Variants in SPATA17 observed in about 807,000 individuals in gnomAD.
The protein encoded by SPATA17 is spermatogenesis-associated protein 17.
A neutral mutation model predicts 62.2 loss-of-function variants in SPATA17; 53 were observed. The observed-to-expected ratio is 0.85, with a 90% CI of 0.68 to 1.07. The LOEUF is 1.07. Ranked by LOEUF, SPATA17 falls within the 50% of genes least tolerant of loss-of-function variation. The probability of loss-of-function intolerance (pLI) is 0.00; values close to 1 mark genes in which losing one functional copy is unlikely to be tolerated. For missense variants in SPATA17, 466 were observed against 425.5 expected (o/e 1.10, Z -0.84); for synonymous variants, 146 against 146.8 (o/e 0.99, Z 0.04).
chr1:217,755,251 T>G (rs1321754178), intron 6 of SPATA17, among the ~76,000 whole-genome samples: 1 of 152,100 alleles, frequency 6.6e-6, no homozygotes, highest in African/African-American at 2.4e-5. Flanking sequence ...ACGAATAATC[T>G]TGTCAATTGC....
chr1:217,767,972 C>T (rs765404931), intron 6 of SPATA17, among the ~76,000 whole-genome samples: 21 of 152,112 alleles, frequency 1.4e-4, no homozygotes, highest in Non-Finnish European at 2.5e-4. Flanking sequence ...GTGGGCCCGG[C>T]GCAGTGGCTC....
chr1:217,851,873 G>A (rs72730525), intron 9 of SPATA17, among the ~76,000 whole-genome samples: 9,266 of 152,262 alleles, frequency 0.061, 375 homozygotes, highest in Non-Finnish European at 0.084. Context: ...AAGACTTTAA[G>A]ATAAGTCTAA....
intron 6 of SPATA17, among the ~76,000 whole-genome samples, chr1:217,746,941 A>G (rs1051657197): frequency 1.3e-5 from 2 of 152,042 alleles, no homozygotes; most frequent in African/African-American, 4.8e-5. Context: ...ACTAGTAGTA[A>G]TAAGGTTAAT....
At chr1:217,671,649 C>T (rs1331128781) in intron 4 of SPATA17, among the ~76,000 whole-genome samples, 2 of 152,084 alleles carry the variant, frequency 1.3e-5, no homozygotes, top group Non-Finnish European at 2.9e-5. Flanking sequence ...TCCTATCCTC[C>T]TCCTTATTGC....
intron 9 of SPATA17, among the ~76,000 whole-genome samples, chr1:217,837,416 T>C (rs1396280597): frequency 6.6e-6 from 1 of 152,086 alleles, no homozygotes; most frequent in African/African-American, 2.4e-5. Context: ...AACTCTTTAA[T>C]TGCTGCACTG....
At chr1:217,793,221 G>GTTT (rs1161172000) in intron 8 of SPATA17, among the ~76,000 whole-genome samples, 1 of 127,160 alleles carries the variant, frequency 7.9e-6, no homozygotes. Context: ...AGTGGTTTTT[G>GTTT]TTTTTTTTTT....
At chr1:217,654,717 CTTT>C (rs199930213) in intron 3 of SPATA17, among the ~76,000 whole-genome samples, 6 of 134,594 alleles carry the variant, frequency 4.5e-5, no homozygotes, top group East Asian at 2.1e-4. Context: ...TTTACATAAT[CTTT>C]TTTTTTTTTT....
At chr1:217,649,045 G>T (rs1670250825) in intron 2 of SPATA17, 74 bp downstream of exon 2, 10 of 1,000,994 alleles carry the variant, frequency 1.0e-5, no homozygotes, top group Admixed American at 2.5e-5. Flanking sequence ...ATTTATTCAT[G>T]AAGTACTCAT....
intron 5 of SPATA17, among the ~76,000 whole-genome samples, chr1:217,705,718 C>T (rs567359192): frequency 1.9e-3 from 296 of 152,174 alleles, no homozygotes; most frequent in African/African-American, 6.8e-3. Context: ...GGATTATAGG[C>T]GTGAGCCACC....
intron 1 of SPATA17, among the ~76,000 whole-genome samples, chr1:217,644,806 T>C (rs906630227): frequency 6.6e-6 from 1 of 152,104 alleles, no homozygotes; most frequent in Non-Finnish European, 1.5e-5. Context: ...TTTTGGTCTT[T>C]CATCATTATT....
chr1:217,727,840 C>T lies in SPATA17; in HGVS notation c.396-14135C>T, dbSNP rs559684963. Among the ~76,000 whole-genome samples the T allele has an allele frequency of 4.6e-5, 7 of 152,252 alleles. No homozygotes were observed. The South Asian group carries it at 1.4e-3, about 32-fold the overall frequency. On this transcript the variant is annotated intron_variant, in intron 5 of 10. Coordinates refer to ENST00000366933, the MANE Select transcript of SPATA17 (RefSeq NM_138796.4). Reference sequence around the variant, plus strand: ...CCTACACCAATGAATAGTTTCGTATCCTTAGTCAAGTTACTTACTATCTCT... The same window carrying T: ...CCTACACCAATGAATAGTTTCGTATTCTTAGTCAAGTTACTTACTATCTCT...
intron 5 of SPATA17, 106 bp downstream of exon 5, chr1:217,683,467 C>A: frequency 1.3e-6 from 1 of 753,396 alleles, no homozygotes; most frequent in Non-Finnish European, 2.3e-6. Flanking sequence ...TAGATGGAGT[C>A]TTGCTCTGTT....
chr1:217,733,002 A>G (rs1672433005), intron 5 of SPATA17, among the ~76,000 whole-genome samples: 1 of 152,168 alleles, frequency 6.6e-6, no homozygotes, highest in Non-Finnish European at 1.5e-5. Flanking sequence ...TTGATTCAAA[A>G]ATGCCAGAAG....
rs1676079359 is a variant in SPATA17 at position 217,869,127 on chromosome 1, CAT to C, written c.*2110_*2111del. 1 of 152,168 alleles carries C rather than the reference CAT, an allele frequency of 6.6e-6. No homozygotes were observed. The highest frequency in any genetic ancestry group is 1.5e-5 in the Non-Finnish European group (1 of 68,088). 9.4% of individuals were successfully genotyped at this position (152,168 alleles called of 1,614,324 possible). A position where few individuals can be genotyped will look rare whatever the true frequency, so the allele number is the denominator to read the frequency against. Reference sequence around the variant, plus strand: ...CTTGGTTTTATACATTTTAAGGAGACATAAGACATCAATAAATACATGGAAGA... The same window carrying C: ...CTTGGTTTTATACATTTTAAGGAGACAAGACATCAATAAATACATGGAAGA... On this transcript the variant is annotated 3_prime_UTR_variant, in exon 11 of 11. Coordinates refer to ENST00000366933, the MANE Select transcript of SPATA17 (RefSeq NM_138796.4).
At chr1:217,754,696 T>C (rs183182339) in intron 6 of SPATA17, among the ~76,000 whole-genome samples, 139 of 152,280 alleles carry the variant, frequency 9.1e-4, no homozygotes, top group African/African-American at 3.0e-3. Flanking sequence ...CTCTTTTAGA[T>C]TGAAAAACTT....
chr1:217,696,084 C>T (rs1407211577), intron 5 of SPATA17, among the ~76,000 whole-genome samples: 3 of 152,222 alleles, frequency 2.0e-5, no homozygotes, highest in Non-Finnish European at 4.4e-5. Context: ...GGGCGCCCCT[C>T]TGCTAGCCTT....
intron 9 of SPATA17, among the ~76,000 whole-genome samples, chr1:217,849,299 G>A (rs1305809543): frequency 6.6e-6 from 1 of 152,056 alleles, no homozygotes; most frequent in African/African-American, 2.4e-5. Flanking sequence ...ACTTTCTGTG[G>A]ATGGGCCACT....
In SPATA17 at chr1:217,870,578, G is replaced by A. The variant is rs1264481464; in HGVS notation, c.*3559G>A. 14 of 152,110 alleles carry A rather than the reference G, an allele frequency of 9.2e-5. No homozygotes were observed. Among genetic ancestry groups the A allele is most frequent in the African/African-American group, 3.4e-4 (14 of 41,424 alleles). The allele number at this position is 152,110 out of a possible 1,614,324, so 9.4% of individuals were successfully genotyped here. Reference sequence around the variant, plus strand: ...CTTCTTTTCTATATTCTCAATATGAGCCACTTAAGAAAATTAATGAGACTT... The same window carrying A: ...CTTCTTTTCTATATTCTCAATATGAACCACTTAAGAAAATTAATGAGACTT... On this transcript the variant is annotated 3_prime_UTR_variant, in exon 11 of 11. Coordinates refer to ENST00000366933, the MANE Select transcript of SPATA17 (RefSeq NM_138796.4).
chr1:217,815,642 A>T (rs1159648), intron 9 of SPATA17, among the ~76,000 whole-genome samples: 96,541 of 151,996 alleles, frequency 0.64, 31,325 homozygotes, highest in Admixed American at 0.72. Context: ...GTGCTTAAGA[A>T]CCATAATCAG....
Sources: allele counts gnomAD v4.1 joint callset (sites outside exome capture counted in the v4.1 genomes callset), GRCh38; gene constraint gnomAD v4.1.1; transcripts MANE v1.5; gene names NCBI Gene and HGNC (gene_info 2026-07-23, HGNC 2026-07-21).